The following PRKCB variants were observed in gnomAD, a reference collection of about 807,000 sequenced individuals.
PRKCB encodes the protein protein kinase C beta, also known as protein kinase C beta type.
In PRKCB, 13 loss-of-function variants were observed where a neutral mutation model predicts 81.5. That is an observed-to-expected ratio of 0.16 (90% CI 0.10 to 0.25). The LOEUF is 0.25. Ranked by LOEUF, PRKCB falls within the 10% of genes least tolerant of loss-of-function variation. The pLI is 1.00. For missense variants in PRKCB, 509 were observed against 875.7 expected (o/e 0.58, Z 5.29); for synonymous variants, 335 against 321.4 (o/e 1.04, Z -0.45).
intron 2 of PRKCB, among the ~76,000 whole-genome samples, chr16:23,842,305 G>A (rs972513290): frequency 6.6e-6 from 1 of 152,186 alleles, no homozygotes; most frequent in African/African-American, 2.4e-5. Flanking sequence ...TAGGGTTATG[G>A]TGAAGAATAA....
At chr16:24,165,773 A>G (rs955411331) in intron 10 of PRKCB, among the ~76,000 whole-genome samples, 15 of 152,040 alleles carry the variant, frequency 9.9e-5, no homozygotes, top group Non-Finnish European at 5.9e-5. Context: ...TTTTAAAATA[A>G]TTGTGTTTAA....
chr16:23,891,674 A>G (rs1016731717), intron 2 of PRKCB, among the ~76,000 whole-genome samples: 4 of 152,172 alleles, frequency 2.6e-5, no homozygotes, highest in Non-Finnish European at 4.4e-5. Context: ...TGAGTGTTCA[A>G]TTAGAGAAGC....
intron 8 of PRKCB, among the ~76,000 whole-genome samples, chr16:24,114,268 C>CAA (rs543686526): frequency 1.0e-4 from 11 of 109,980 alleles, no homozygotes; most frequent in African/African-American, 1.4e-4. Context: ...GACTTCATCT[C>CAA]AAAAAAAAAA....
At chr16:23,863,628 C>T (rs961877651) in intron 2 of PRKCB, among the ~76,000 whole-genome samples, 2 of 152,266 alleles carry the variant, frequency 1.3e-5, no homozygotes, top group South Asian at 2.1e-4. Flanking sequence ...GTTTCATTTT[C>T]GTATGGAAAG....
At chr16:23,954,883 C>G (rs115457505) in intron 2 of PRKCB, among the ~76,000 whole-genome samples, 3,769 of 152,224 alleles carry the variant, frequency 0.025, 152 homozygotes, top group African/African-American at 0.084. Context: ...GAAACCCTGT[C>G]TCTACTAAAA....
Position 24,154,744 on chromosome 16 carries a change from G to A in PRKCB, c.1126G>A (p.Asp376Asn). Reference sequence around the variant, plus strand: ...CTATGCTGTGAAGATCCTGAAGAAGGACGTTGTGATCCAAGATGATGACGT... The same window carrying A: ...CTATGCTGTGAAGATCCTGAAGAAGAACGTTGTGATCCAAGATGATGACGT... Reference protein sequence around the residue: ...ELYAVKILKKDVVIQDDDVEC... With the variant: ...ELYAVKILKKNVVIQDDDVEC... The change falls in exon 10 of 17, where the codon GAC becomes AAC. Residue 376 changes from aspartate to asparagine, a missense_variant. Transcript: ENST00000643927. 6.2e-7 allele frequency: 1 copy of A among 1,614,188 alleles called. No homozygotes were observed. Among genetic ancestry groups the A allele is most frequent in the Non-Finnish European group, 8.5e-7 (1 of 1,180,026 alleles).
chr16:23,908,753 C>T lies in PRKCB; in HGVS notation c.205+71347C>T, dbSNP rs1488223500. Among the ~76,000 whole-genome samples the T allele has an allele frequency of 2.0e-5, 3 of 151,990 alleles. No homozygotes were observed. The East Asian group carries it at 5.8e-4, about 29-fold the overall frequency. On this transcript the variant is annotated intron_variant, in intron 2 of 16. Coordinates refer to ENST00000643927, the MANE Select transcript of PRKCB (RefSeq NM_002738.7). ...CACCGTGATCTCGATCTCCTGACCT[C>T]ATGATCCAGCCGCCTCAGCCTCCCA... is the stretch of plus-strand genomic sequence containing the variant.
At chr16:23,914,376 G>A (rs182817179) in intron 2 of PRKCB, among the ~76,000 whole-genome samples, 2 of 152,234 alleles carry the variant, frequency 1.3e-5, no homozygotes, top group Admixed American at 6.5e-5. Context: ...GGCAGTGGTG[G>A]TTCCTTTTCT....
chr16:24,175,563 G>A (rs1967515824), intron 12 of PRKCB, among the ~76,000 whole-genome samples: 1 of 151,722 alleles, frequency 6.6e-6, no homozygotes, highest in Admixed American at 6.6e-5. Context: ...GGTGTACACT[G>A]GGTGTTGGAG....
chr16:24,178,810 G>C (rs1340916453), intron 12 of PRKCB, among the ~76,000 whole-genome samples: 3 of 152,156 alleles, frequency 2.0e-5, no homozygotes, highest in Non-Finnish European at 4.4e-5. Context: ...GAGATGCCAG[G>C]ATATAGTTTT....
chr16:24,095,087 T>C (rs1966424130), intron 7 of PRKCB, among the ~76,000 whole-genome samples: 1 of 152,174 alleles, frequency 6.6e-6, no homozygotes, highest in Admixed American at 6.5e-5. Context: ...CACCACTCCC[T>C]ATTTTATTAC....
intron 2 of PRKCB, chr16:23,868,966 C>T: frequency 2.8e-6 from 1 of 360,834 alleles, no homozygotes; most frequent in Non-Finnish European, 5.8e-6. Context: ...TTGAGCTTGA[C>T]CCATTTCACA....
At chr16:24,011,533 T>C (rs936828850) in intron 3 of PRKCB, among the ~76,000 whole-genome samples, 4 of 152,142 alleles carry the variant, frequency 2.6e-5, no homozygotes, top group African/African-American at 9.7e-5. Flanking sequence ...TTTGTTTTGT[T>C]TGAGACAGGA....
intron 2 of PRKCB, among the ~76,000 whole-genome samples, chr16:23,845,372 A>G (rs540064595): frequency 6.7e-6 from 1 of 148,414 alleles, no homozygotes; most frequent in South Asian, 2.1e-4. Context: ...CTGGGAATTA[A>G]AAAAAAAAAG....
At position 24,015,362 on chromosome 16, in the gene PRKCB, A is replaced by C. The variant is rs145969290; in HGVS notation, c.289-16774A>C. Among the ~76,000 whole-genome samples the C allele has an allele frequency of 3.9e-3, 589 of 152,336 alleles. 5 individuals are homozygous for C. The highest frequency in any genetic ancestry group is 5.7e-3 in the Admixed American group (87 of 15,302). On this transcript the variant is annotated intron_variant, in intron 3 of 16. Coordinates refer to ENST00000643927, the MANE Select transcript of PRKCB (RefSeq NM_002738.7). ...TTACCAGAGCTGGTGTTGAATTTGCACATTCCAGCTATAGAATCTGACCCC... is the reference window on the plus strand; with the variant it reads ...TTACCAGAGCTGGTGTTGAATTTGCCCATTCCAGCTATAGAATCTGACCCC...
intron 5 of PRKCB, among the ~76,000 whole-genome samples, chr16:24,057,137 T>C (rs954087457): frequency 6.6e-6 from 1 of 152,230 alleles, no homozygotes; most frequent in Non-Finnish European, 1.5e-5. Flanking sequence ...TGTTATATAG[T>C]TGCAGATCTT....
chr16:24,176,894 CA>C (rs34201635), intron 12 of PRKCB, among the ~76,000 whole-genome samples: 26,930 of 96,324 alleles, frequency 0.28, 2,414 homozygotes, highest in South Asian at 0.43. Flanking sequence ...AACTCCATTT[CA>C]AAAAAAAAAA....
chr16:24,006,467 A>G (rs770231831), intron 3 of PRKCB, among the ~76,000 whole-genome samples: 2 of 152,248 alleles, frequency 1.3e-5, no homozygotes, highest in Non-Finnish European at 1.5e-5. Context: ...GGCATGCTGT[A>G]GAGGGCATAG....
At chr16:23,963,820 G>A (rs947474344) in intron 2 of PRKCB, 1 of 152,192 alleles carries the variant, frequency 6.6e-6, no homozygotes, top group Non-Finnish European at 1.5e-5. Flanking sequence ...TTTTGTCTCC[G>A]GTAAGTTGTT....
Sources: gnomAD v4.1 joint callset for allele counts (sites outside exome capture counted in the v4.1 genomes callset) on GRCh38, gnomAD v4.1.1 for gene constraint, MANE v1.5 for transcripts, NCBI Gene and HGNC (gene_info 2026-07-23, HGNC 2026-07-21) for gene names.